KIFC3: variants seen among roughly 807,000 people sequenced by gnomAD.
KIFC3 encodes kinesin-like protein KIFC3.
In KIFC3, 60 loss-of-function variants were observed where a neutral mutation model predicts 101.8. That is an observed-to-expected ratio of 0.59 (90% confidence interval 0.48 to 0.73). KIFC3 has a LOEUF of 0.73. KIFC3 is among the 30% of genes least tolerant of loss of function. The pLI, the probability that KIFC3 is intolerant of heterozygous loss-of-function variation, is 0.00. For missense variants in KIFC3, 966 were observed against 1,137.1 expected (o/e 0.85, Z 2.16); for synonymous variants, 476 against 482.7 (o/e 0.99, Z 0.18).
At chr16:57,812,046 CT>C (rs1205613960) in intron 1 of KIFC3, among the ~76,000 whole-genome samples, 6,545 of 131,710 alleles carry the variant, frequency 0.05, 169 homozygotes, top group Non-Finnish European at 0.07. Flanking sequence ...CCGTCTCTCT[CT>C]TTTTTTTTTT....
At position 57,760,310 on chromosome 16, in the gene KIFC3, C is replaced by A. The variant is rs368671062; in HGVS notation, c.2339G>T (p.Gly780Val). The change falls in exon 17 of 20, where the codon GGG becomes GTG. Residue 780 changes from glycine (G) to valine (V), a missense_variant. Gly to Val is a moderately radical substitution (Grantham distance 109, BLOSUM62 -3). Around this residue, in one of 2 missense-constraint regions of KIFC3, gnomAD observed 689 missense variants for 884.6 expected, o/e 0.78. Coordinates refer to ENST00000445690, the MANE Select transcript of KIFC3 (RefSeq NM_001130100.2). ...TAGATGCTCCTGGCTTGACCAGGAC[C>A]CAAGCTCTGCCCTGCGTAGCCCAGG... ...LGPGLRRAEL[G>V]SWSSQEHLEW... is the part of the protein sequence containing the mutation. 2.5e-6 allele frequency: 4 copies of A among 1,613,646 alleles called. No homozygotes were observed. The African/African-American group carries it at 5.3e-5, about 22-fold the overall frequency.
chr16:57,771,809 G>C, intron 4 of KIFC3, 123 bp from the exon 5 acceptor site: 3 of 1,238,406 alleles, frequency 2.4e-6, no homozygotes, highest in Non-Finnish European at 3.3e-6. Flanking sequence ...AAGGCAGAGG[G>C]AAGGAGAAAA....
intron 1 of KIFC3, among the ~76,000 whole-genome samples, chr16:57,852,385 G>A (rs1330045772): frequency 1.3e-5 from 2 of 152,126 alleles, no homozygotes; most frequent in Admixed American, 1.3e-4. Flanking sequence ...ATCATCAGCT[G>A]TAACCCTGGC....
intron 1 of KIFC3, chr16:57,862,687 C>T: frequency 1.3e-6 from 1 of 798,438 alleles, no homozygotes; most frequent in South Asian, 1.5e-5. Flanking sequence ...CAACAGGCCT[C>T]CTCCTCCCAT....
intron 3 of KIFC3, among the ~76,000 whole-genome samples, chr16:57,783,759 T>C (rs1343799129): frequency 6.6e-6 from 1 of 152,058 alleles, no homozygotes; most frequent in Non-Finnish European, 1.5e-5. Context: ...AGGTGTGAGC[T>C]ACCACGCCCA....
chr16:57,840,925 G>A (rs2149311558), intron 1 of KIFC3, among the ~76,000 whole-genome samples: 2 of 152,224 alleles, frequency 1.3e-5, no homozygotes, highest in Middle Eastern at 3.4e-3. Context: ...CAGATACTAG[G>A]CTTCCTGTGT....
chr16:57,768,540 C>CACACACACACA (rs1567960344), intron 9 of KIFC3, among the ~76,000 whole-genome samples: 1 of 151,986 alleles, frequency 6.6e-6, no homozygotes, highest in Non-Finnish European at 1.5e-5. Context: ...CACACACGCA[C>CACACACACACA]AATTGGCTTA....
chr16:57,821,602 C>G (rs1041423894), intron 1 of KIFC3, among the ~76,000 whole-genome samples: 5 of 152,144 alleles, frequency 3.3e-5, no homozygotes, highest in Non-Finnish European at 5.9e-5. Context: ...CTAATTGCCC[C>G]CCGCTGTTTC....
intron 3 of KIFC3, among the ~76,000 whole-genome samples, chr16:57,774,446 T>C (rs2051737272): frequency 6.6e-6 from 1 of 152,142 alleles, no homozygotes; most frequent in Admixed American, 6.5e-5. Flanking sequence ...TGAAAAACCA[T>C]TAAGTGTACA....
chr16:57,824,836 G>T (rs2055425827), intron 1 of KIFC3, among the ~76,000 whole-genome samples: 1 of 152,094 alleles, frequency 6.6e-6, no homozygotes, highest in South Asian at 2.1e-4. Context: ...GTAAAGATGG[G>T]GTCTCGCTCT....
intron 9 of KIFC3, among the ~76,000 whole-genome samples, chr16:57,767,971 C>A (rs1205795667): frequency 6.6e-6 from 1 of 152,160 alleles, no homozygotes; most frequent in Non-Finnish European, 1.5e-5. Context: ...CCACTGTGCC[C>A]AGCCCCTCCC....
At chr16:57,833,564 C>T (rs1171735509) in intron 1 of KIFC3, among the ~76,000 whole-genome samples, 1 of 152,194 alleles carries the variant, frequency 6.6e-6, no homozygotes, top group African/African-American at 2.4e-5. Context: ...CAAGCACACT[C>T]TTCCTGGAAG....
At chr16:57,808,691 G>A (rs2055000067) in intron 1 of KIFC3, among the ~76,000 whole-genome samples, 1 of 152,086 alleles carries the variant, frequency 6.6e-6, no homozygotes, top group Non-Finnish European at 1.5e-5. Context: ...TTGAGCTGAT[G>A]TCATTTCTGT....
chr16:57,817,212 A>G (rs1412753069), intron 1 of KIFC3, among the ~76,000 whole-genome samples: 1 of 152,104 alleles, frequency 6.6e-6, no homozygotes, highest in African/African-American at 2.4e-5. Flanking sequence ...TACAGAAATT[A>G]GCCGGGCATG....
chr16:57,817,884 C>T (rs1466658813), intron 1 of KIFC3, among the ~76,000 whole-genome samples: 2 of 152,198 alleles, frequency 1.3e-5, no homozygotes, highest in Admixed American at 6.5e-5. Flanking sequence ...AGAAATCACC[C>T]AGCCTCTGAT....
intron 11 of KIFC3, among the ~76,000 whole-genome samples, chr16:57,765,232 T>C (rs1469990717): frequency 6.6e-6 from 1 of 152,016 alleles, no homozygotes; most frequent in Non-Finnish European, 1.5e-5. Context: ...TGGGAGGGGA[T>C]GGGCTGTGTC....
chr16:57,808,748 C>T (rs2149254718), intron 1 of KIFC3, among the ~76,000 whole-genome samples: 1 of 152,250 alleles, frequency 6.6e-6, no homozygotes, highest in East Asian at 1.9e-4. Flanking sequence ...GGTTCTGAGG[C>T]CAGGCAGACC....
At chr16:57,781,953 T>C in intron 3 of KIFC3, 1 of 985,232 alleles carries the variant, frequency 1.0e-6, no homozygotes, top group Non-Finnish European at 1.2e-6. Context: ...GGAACAGCAG[T>C]GTGAGAAAGC....
rs1555596712 is a variant in KIFC3 at position 57,761,103 on chromosome 16, C to A, written c.1941G>T (p.Ser647=). Residue 647 remains serine (S), a synonymous_variant, in exon 15 of 20, where the codon TCG becomes TCT. Coordinates refer to ENST00000445690, the MANE Select transcript of KIFC3 (RefSeq NM_001130100.2). ...GCACCGTCACGATGAGCAGCGCGTG[C>A]GAGCGGGAGCTGTGCTCGTTCAGGT... is the stretch of plus-strand genomic sequence containing the variant. ...FTNLNEHSSR[S]HALLIVTVRG... 2 of 1,613,882 alleles carry A rather than the reference C, an allele frequency of 1.2e-6. No homozygotes were observed. The highest frequency in any genetic ancestry group is 2.2e-5 in the East Asian group (1 of 44,868).
Sources: gnomAD v4.1 joint callset for allele counts (sites outside exome capture counted in the v4.1 genomes callset) on GRCh38, gnomAD v4.1.1 for gene constraint, gnomAD v4.1.1 regional missense constraint, MANE v1.5 for transcripts, NCBI Gene and HGNC (gene_info 2026-07-23, HGNC 2026-07-21) for gene names.